TSGA13: variants seen among roughly 807,000 people sequenced by gnomAD.
The protein encoded by TSGA13 is testis specific 13.
TSGA13 carries 37 observed loss-of-function variants against 35.1 expected under a neutral mutation model. That is an observed-to-expected ratio of 1.05 (90% CI 0.81 to 1.39). The LOEUF is 1.39. TSGA13 is among the 40% of genes most tolerant of loss of function. TSGA13 has a pLI of 0.00. For synonymous variants in TSGA13, 124 were observed against 121.2 expected (o/e 1.02, Z -0.15); for missense variants, 338 against 328.5 (o/e 1.03, Z -0.22).
chr7:130,676,631 T>A (rs1251668340), intron 5 of TSGA13, among the ~76,000 whole-genome samples: 2 of 152,348 alleles, frequency 1.3e-5, no homozygotes, highest in East Asian at 3.9e-4. Flanking sequence ...TTAACTCCTT[T>A]GTTAGTACAT....
At position 130,683,623 on chromosome 7, in the gene TSGA13, C is replaced by T; in HGVS notation, c.73G>A (p.Glu25Lys). The T allele has an allele frequency of 6.2e-7, 1 of 1,613,940 alleles. No individual in the cohort carries two copies. Among genetic ancestry groups the T allele is most frequent in the Non-Finnish European group, 8.5e-7 (1 of 1,179,854 alleles). The part of the protein sequence containing the change: ...KTSENSSAKR[E>K]KGMVVNSKEI... ...TTGCTATTGACAACCATTCCTTTCT[C>T]ACGTTTAGCTGAGCTATTTTCTGAA... The change falls in exon 3 of 8, where the codon GAG (glutamate) becomes AAG (lysine). Residue 25 changes from glutamate (E) to lysine (K), a missense_variant. Transcript: ENST00000356588.
chr7:130,669,364 A>G (rs554839260), intron 7 of TSGA13, among the ~76,000 whole-genome samples, 181 bp from the exon 8 acceptor site: 1 of 152,294 alleles, frequency 6.6e-6, no homozygotes, highest in East Asian at 1.9e-4. Flanking sequence ...CCTTCATTTC[A>G]TCAAAACCCA....
rs76411576 is a variant in TSGA13 at position 130,676,851 on chromosome 7, T to C, written c.387+2304A>G. On this transcript the variant is annotated intron_variant, in intron 5 of 7. Coordinates refer to ENST00000356588, the MANE Select transcript of TSGA13 (RefSeq NM_052933.4). ...TTTATTTAATTTGTTCTTGTTAGAT[T>C]AGACCCGCTCTTGAGGCTATCATGA... 5.5e-3 allele frequency among the ~76,000 whole-genome samples: 832 copies of C among 152,242 alleles called. 1 individual carries two copies. The highest frequency in any genetic ancestry group is 9.1e-3 in the Non-Finnish European group (621 of 68,010).
chr7:130,678,588 A>G (rs1460350731), intron 5 of TSGA13, among the ~76,000 whole-genome samples: 5 of 152,200 alleles, frequency 3.3e-5, no homozygotes, highest in African/African-American at 9.7e-5. Context: ...TACAAATTAA[A>G]TATCTTTGGC....
Position 130,685,299 on chromosome 7 carries a change from T to C in TSGA13, c.-89A>G, listed in dbSNP as rs1317698816. On this transcript the variant is annotated 5_prime_UTR_variant, in exon 2 of 8. It removes the in-frame stop codon of an upstream open reading frame in the 5' UTR. Coordinates refer to ENST00000356588, the MANE Select transcript of TSGA13 (RefSeq NM_052933.4). Reference sequence around the variant, plus strand: ...TAAATAGTCCACGTTCTGCAGGGGTTCAATTCAATCCAAATATTCTTTCCT... The same window carrying C: ...TAAATAGTCCACGTTCTGCAGGGGTCCAATTCAATCCAAATATTCTTTCCT... The C allele has an allele frequency of 1.3e-5, 21 of 1,591,578 alleles. No homozygotes were observed. Among genetic ancestry groups the C allele is most frequent in the Non-Finnish European group, 1.7e-5 (20 of 1,161,500 alleles).
At chr7:130,677,436 T>C (rs1796439876) in intron 5 of TSGA13, among the ~76,000 whole-genome samples, 1 of 152,066 alleles carries the variant, frequency 6.6e-6, no homozygotes, top group Non-Finnish European at 1.5e-5. Flanking sequence ...TTTTTCTTTT[T>C]TTTTTTGAGA....
At chr7:130,673,469 A>G (rs987423835) in intron 5 of TSGA13, among the ~76,000 whole-genome samples, 3 of 152,300 alleles carry the variant, frequency 2.0e-5, no homozygotes, top group Admixed American at 1.3e-4. Context: ...CTAAAAAAAA[A>G]AAGATTTCAC....
chr7:130,680,692 T>C (rs1224949488), intron 4 of TSGA13, among the ~76,000 whole-genome samples: 1 of 152,030 alleles, frequency 6.6e-6, no homozygotes, highest in Non-Finnish European at 1.5e-5. Context: ...CATAAATATG[T>C]TTCCTCAACT....
At chr7:130,685,724 C>G (rs782773957) in intron 1 of TSGA13, among the ~76,000 whole-genome samples, 2 of 152,194 alleles carry the variant, frequency 1.3e-5, no homozygotes, top group Non-Finnish European at 1.5e-5. Flanking sequence ...CCAATTTTCT[C>G]CTCCTGTCAA....
intron 5 of TSGA13, among the ~76,000 whole-genome samples, chr7:130,673,267 G>A (rs1796325656): frequency 6.6e-6 from 1 of 152,174 alleles, no homozygotes; most frequent in Non-Finnish European, 1.5e-5. Flanking sequence ...CTTGGAGATG[G>A]CTGCCTCATC....
chr7:130,668,749 G>GC lies in TSGA13; in HGVS notation c.*264dup. 6.9e-7 allele frequency: 1 copy of GC among 1,459,306 alleles called. No homozygotes were observed. Among genetic ancestry groups the GC allele is most frequent in the Non-Finnish European group, 9.2e-7 (1 of 1,091,638 alleles). The allele number at this position is 1,459,306 out of a possible 1,614,324, so 90.4% of individuals were successfully genotyped here. On this transcript the variant is annotated 3_prime_UTR_variant, in exon 8 of 8. Transcript: ENST00000356588. ...GGCGAGCGGAAGAGGCTGCAGGAAG[G>GC]CCGGCCCCGCGCTCTCACGCCGGTT... is the stretch of plus-strand genomic sequence containing the variant.
intron 2 of TSGA13, among the ~76,000 whole-genome samples, chr7:130,684,064 T>G (rs1301889395): frequency 6.6e-6 from 1 of 152,224 alleles, no homozygotes; most frequent in Non-Finnish European, 1.5e-5. Context: ...CTGCCTATTC[T>G]TCTTCCACAT....
rs1227735569 is a variant in TSGA13, at chr7:130,679,532, C to T, written c.175-165G>A. Among the ~76,000 whole-genome samples, 24 of 152,146 alleles carry T rather than the reference C, an allele frequency of 1.6e-4. 4 individuals are homozygous for T. The highest frequency in any genetic ancestry group is 9.8e-4 in the Admixed American group (15 of 15,282). On this transcript the variant is annotated intron_variant, in intron 4 of 7. Transcript: ENST00000356588. ...GGTTTTGTTTTTGTTTTTTTTGAGA[C>T]GGAGTCTCACTCTGGTGCCCAGGCT... is the stretch of plus-strand genomic sequence containing the variant.
chr7:130,676,810 A>T (rs1796420362), intron 5 of TSGA13, among the ~76,000 whole-genome samples: 1 of 152,168 alleles, frequency 6.6e-6, no homozygotes. Context: ...CTTTGTTTGC[A>T]CTTTCACTTA....
chr7:130,679,439 G>GT, intron 4 of TSGA13, 72 bp from the exon 5 acceptor site: 5 of 1,316,648 alleles, frequency 3.8e-6, no homozygotes, highest in Non-Finnish European at 5.3e-6. Flanking sequence ...TCGGTTGGCT[G>GT]ATACTTAGCC....
intron 5 of TSGA13, among the ~76,000 whole-genome samples, chr7:130,676,263 C>T (rs1477451539): frequency 6.6e-6 from 1 of 152,212 alleles, no homozygotes; most frequent in Non-Finnish European, 1.5e-5. Context: ...TTTCAATCTT[C>T]TTGGGCTTGT....
chr7:130,672,763 A>T lies in TSGA13; in HGVS notation c.501T>A (p.Asp167Glu). ...ACCATTGTTCTCGCTTGGATGTGGGATCATCCGACAGTATCAAAGGGAAGA... is the reference window on the plus strand; with the variant it reads ...ACCATTGTTCTCGCTTGGATGTGGGTTCATCCGACAGTATCAAAGGGAAGA... Reference protein sequence around the residue: ...KPIFPLILSDDPTSKREQWFR... With the variant: ...KPIFPLILSDEPTSKREQWFR... The change falls in exon 6 of 8, where the codon GAT becomes GAA. Residue 167 changes from aspartate to glutamate, a missense_variant. Physicochemically the swap from Asp to Glu is conservative, Grantham distance 45. Coordinates refer to ENST00000356588, the MANE Select transcript of TSGA13 (RefSeq NM_052933.4). 6 of 1,614,076 alleles carry T rather than the reference A, an allele frequency of 3.7e-6. No individual in the cohort carries two copies. The highest frequency in any genetic ancestry group is 5.1e-6 in the Non-Finnish European group (6 of 1,179,958).
At position 130,672,806 on chromosome 7, in the gene TSGA13, C is replaced by A. The variant is rs1470704173; in HGVS notation, c.458G>T (p.Arg153Ile). 1 of 1,613,932 alleles carries A rather than the reference C, an allele frequency of 6.2e-7. No individual in the cohort carries two copies. Among genetic ancestry groups the A allele is most frequent in the Non-Finnish European group, 8.5e-7 (1 of 1,179,992 alleles). ...LPRMPQKKKL[R>I]SKLKPIFPLI... ...AGGGAAGATTGGTTTCAGCTTAGAT[C>A]TTAACTTTTTTTTCTGAGGCATGCG... The change falls in exon 6 of 8, where the codon AGA becomes ATA. Residue 153 changes from arginine to isoleucine, a missense_variant. Physicochemically the swap from Arg to Ile is moderately conservative, Grantham distance 97 (BLOSUM62 -3). Transcript: ENST00000356588.
rs989244937 is a variant in TSGA13, at chr7:130,680,166, T to G, written c.174+780A>C. Among the ~76,000 whole-genome samples, 13 of 152,100 alleles carry G rather than the reference T, an allele frequency of 8.5e-5. 1 individual carries two copies. The highest frequency in any genetic ancestry group is 3.3e-4 in the Admixed American group (5 of 15,258). Reference sequence around the variant, plus strand: ...AATGTTCCATATTTACGTCAACATTTCTCAGGCACAACCACATTGACATGC... The same window carrying G: ...AATGTTCCATATTTACGTCAACATTGCTCAGGCACAACCACATTGACATGC... On this transcript the variant is annotated intron_variant, in intron 4 of 7. Transcript: ENST00000356588.
Sources: gnomAD v4.1 joint callset for allele counts (sites outside exome capture counted in the v4.1 genomes callset) on GRCh38, gnomAD v4.1.1 for gene constraint, MANE v1.5 for transcripts, NCBI Gene and HGNC (gene_info 2026-07-23, HGNC 2026-07-21) for gene names.